The following LSM14A variants were observed in gnomAD, a reference collection of about 807,000 sequenced individuals.
The protein encoded by LSM14A is protein LSM14 homolog A.
Under a neutral mutation model 52.4 loss-of-function variants are expected in LSM14A, and 14 were observed. That is an observed-to-expected ratio of 0.27 (90% CI 0.18 to 0.42). The LOEUF (loss-of-function observed/expected upper bound fraction) is 0.42, where lower values mean the gene tolerates loss of function less well. Among genes scored for constraint, LSM14A ranks in the 10% least tolerant of loss-of-function variants. The pLI, the probability that LSM14A is intolerant of heterozygous loss-of-function variation, is 1.00. For missense variants in LSM14A, 417 were observed against 581.8 expected, an observed-to-expected ratio of 0.72 and a Z score of 2.91; for synonymous variants, 185 against 200.3, an observed-to-expected ratio of 0.92 and a Z score of 0.64.
chr19:34,192,355 T>C (rs1296543031), intron 1 of LSM14A, among the ~76,000 whole-genome samples: 1 of 133,898 alleles, frequency 7.5e-6, no homozygotes, highest in African/African-American at 2.7e-5. Context: ...AGTCAGATTG[T>C]CATTCTGTCA....
intron 1 of LSM14A, among the ~76,000 whole-genome samples, chr19:34,185,930 A>G (rs2069874727): frequency 6.6e-6 from 1 of 152,192 alleles, no homozygotes; most frequent in African/African-American, 2.4e-5. Flanking sequence ...TTCTATCAAC[A>G]TCAGTTGTTA....
chr19:34,222,787 T>C (rs2073135725), intron 9 of LSM14A, among the ~76,000 whole-genome samples: 1 of 152,222 alleles, frequency 6.6e-6, no homozygotes, highest in South Asian at 2.1e-4. Flanking sequence ...GGTGGCCTTA[T>C]GTAGTTGCGG....
intron 1 of LSM14A, among the ~76,000 whole-genome samples, chr19:34,193,513 C>T (rs547911161): frequency 6.6e-6 from 1 of 152,114 alleles, no homozygotes; most frequent in East Asian, 1.9e-4. Context: ...CAAAAAGATT[C>T]GGTAGAAATC....
At chr19:34,184,273 G>A (rs967844589) in intron 1 of LSM14A, among the ~76,000 whole-genome samples, 4 of 151,970 alleles carry the variant, frequency 2.6e-5, no homozygotes, top group Admixed American at 6.6e-5. Flanking sequence ...GGCTGGTCTC[G>A]AACTCCTGAC....
chr19:34,197,751 A>T (rs1241817388), intron 3 of LSM14A, among the ~76,000 whole-genome samples: 1 of 152,150 alleles, frequency 6.6e-6, no homozygotes, highest in East Asian at 1.9e-4. Flanking sequence ...TAAAACATTT[A>T]AAAATGTTTA....
Position 34,219,816 on chromosome 19 carries a change from C to T in LSM14A, c.1075C>T (p.Pro359Ser), listed in dbSNP as rs748241183. ...TGCCGATGAAGAAGATCCACTTGGA[C>T]CTAATTGCTATTATGACAAAACTAA... ...GNADEEDPLG[P>S]NCYYDKTKSF... The change falls in exon 8 of 10, where the codon CCT becomes TCT. Residue 359 changes from proline to serine, a missense_variant. Coordinates refer to ENST00000544216, the MANE Select transcript of LSM14A (RefSeq NM_015578.4). 2 of 1,613,490 alleles carry T rather than the reference C, an allele frequency of 1.2e-6. No individual in the cohort carries two copies. The highest frequency in any genetic ancestry group is 1.7e-6 in the Non-Finnish European group (2 of 1,179,418).
chr19:34,196,800 A>G lies in LSM14A; in HGVS notation c.415+37A>G, dbSNP rs1308723274. Reference sequence around the variant, plus strand: ...TTTTCTTTTCTTTTTTTGTTTTTGTATTCTTCCTTTCTTTACCACAAAGGT... The same window carrying G: ...TTTTCTTTTCTTTTTTTGTTTTTGTGTTCTTCCTTTCTTTACCACAAAGGT... On this transcript the variant is annotated intron_variant, in intron 3 of 9. Coordinates refer to ENST00000544216, the MANE Select transcript of LSM14A (RefSeq NM_015578.4). 7.7e-6 allele frequency: 12 copies of G among 1,557,980 alleles called. 1 individual carries two copies. Among genetic ancestry groups the G allele is most frequent in the Non-Finnish European group, 1.0e-5 (12 of 1,151,542 alleles).
intron 1 of LSM14A, among the ~76,000 whole-genome samples, chr19:34,175,224 C>A (rs891299065): frequency 4.0e-5 from 6 of 150,660 alleles, no homozygotes; most frequent in South Asian, 2.1e-4. Context: ...TATGCTTTTT[C>A]TTTTTCTTTT....
intron 1 of LSM14A, among the ~76,000 whole-genome samples, chr19:34,184,146 C>G (rs1010062135): frequency 6.6e-6 from 1 of 150,678 alleles, no homozygotes; most frequent in Non-Finnish European, 1.5e-5. Context: ...GCTTCTGCCT[C>G]CCGGGTTCAA....
intron 1 of LSM14A, among the ~76,000 whole-genome samples, chr19:34,185,043 T>C (rs2069789265): frequency 6.6e-6 from 1 of 152,240 alleles, no homozygotes; most frequent in Non-Finnish European, 1.5e-5. Flanking sequence ...TGTTTTGTTA[T>C]TACATCACTC....
chr19:34,179,160 G>A (rs2069294050), intron 1 of LSM14A, among the ~76,000 whole-genome samples: 1 of 152,198 alleles, frequency 6.6e-6, no homozygotes, highest in Non-Finnish European at 1.5e-5. Flanking sequence ...GATTATATAA[G>A]CCACTTGCCT....
At chr19:34,209,138 T>C (rs781581549) in intron 4 of LSM14A, 87 bp downstream of exon 4, 30 of 1,156,486 alleles carry the variant, frequency 2.6e-5, no homozygotes, top group Non-Finnish European at 3.5e-5. Context: ...TTGCAGCTTG[T>C]AAATCGCGTG....
At chr19:34,192,330 T>TTG (rs2070476587) in intron 1 of LSM14A, among the ~76,000 whole-genome samples, 2 of 129,372 alleles carry the variant, frequency 1.5e-5, no homozygotes, top group Non-Finnish European at 3.4e-5. Flanking sequence ...TTTTTTTTTT[T>TTG]TTTTTTTTTT....
At chr19:34,183,681 A>G (rs1206685600) in intron 1 of LSM14A, among the ~76,000 whole-genome samples, 1 of 152,216 alleles carries the variant, frequency 6.6e-6, no homozygotes, top group Non-Finnish European at 1.5e-5. Flanking sequence ...TGAGAGCCGC[A>G]ACCTAAGTAG....
chr19:34,173,934 C>CTTTA (rs72429939), intron 1 of LSM14A, among the ~76,000 whole-genome samples: 321 of 150,966 alleles, frequency 2.1e-3, no homozygotes, highest in Admixed American at 4.6e-3. Context: ...CTGGTAAATC[C>CTTTA]TTTATTTATT....
intron 2 of LSM14A, among the ~76,000 whole-genome samples, chr19:34,195,582 T>G (rs2070773511): frequency 6.6e-6 from 1 of 152,224 alleles, no homozygotes; most frequent in South Asian, 2.1e-4. Context: ...AATTGTAAAT[T>G]TTGTTGCAGC....
At chr19:34,209,681 C>T (rs888612722) in intron 4 of LSM14A, among the ~76,000 whole-genome samples, 4 of 151,962 alleles carry the variant, frequency 2.6e-5, no homozygotes, top group Non-Finnish European at 5.9e-5. Flanking sequence ...TTGTTTCTTC[C>T]TTTTTTCTTA....
chr19:34,207,291 C>A (rs1212473698), intron 3 of LSM14A, among the ~76,000 whole-genome samples: 1 of 152,032 alleles, frequency 6.6e-6, no homozygotes, highest in Non-Finnish European at 1.5e-5. Flanking sequence ...CCTGGAGATG[C>A]AAATATACAT....
intron 5 of LSM14A, 94 bp from the exon 6 acceptor site, chr19:34,215,502 G>C: frequency 8.2e-7 from 1 of 1,214,876 alleles, no homozygotes; most frequent in East Asian, 2.3e-5. Context: ...CTTTGTTTTG[G>C]GTTTTTTGGT....
Sources: gnomAD v4.1 joint callset for allele counts (sites outside exome capture counted in the v4.1 genomes callset) on GRCh38, gnomAD v4.1.1 for gene constraint, MANE v1.5 for transcripts, NCBI Gene and HGNC (gene_info 2026-07-23, HGNC 2026-07-21) for gene names.